The following UBR7 variants were observed in gnomAD, a reference collection of about 807,000 sequenced individuals.
The protein encoded by UBR7 is ubiquitin protein ligase E3 component n-recognin 7.
Under a neutral mutation model 57.0 loss-of-function variants are expected in UBR7, and 22 were observed. The observed-to-expected ratio is 0.39, with a 90% CI of 0.28 to 0.55. The LOEUF (loss-of-function observed/expected upper bound fraction) is 0.55, where lower values mean the gene tolerates loss of function less well. UBR7 is among the 20% of genes least tolerant of loss of function. The pLI, the probability that UBR7 is intolerant of heterozygous loss-of-function variation, is 0.69. For synonymous variants in UBR7, 167 were observed against 179.8 expected (o/e 0.93, Z 0.57); for missense variants, 395 against 513.2 (o/e 0.77, Z 2.23).
chr14:93,222,633 C>T (rs1455759741), intron 10 of UBR7, among the ~76,000 whole-genome samples: 1 of 151,920 alleles, frequency 6.6e-6, no homozygotes, highest in Non-Finnish European at 1.5e-5. Context: ...GTCCCAGCTA[C>T]TAGGGAGGCT....
chr14:93,211,546 CA>C (rs997756476), intron 3 of UBR7, among the ~76,000 whole-genome samples: 13 of 144,688 alleles, frequency 9.0e-5, no homozygotes, highest in Admixed American at 3.5e-4. Context: ...GACTCCATCT[CA>C]AAAAAAAAAG....
chr14:93,211,562 A>G (rs1894485393), intron 3 of UBR7, among the ~76,000 whole-genome samples: 1 of 151,908 alleles, frequency 6.6e-6, no homozygotes, highest in East Asian at 1.9e-4. Context: ...AAAAAGAAAA[A>G]GAAAAACCAA....
chr14:93,213,508 C>T (rs899955753), intron 4 of UBR7, among the ~76,000 whole-genome samples: 1 of 152,060 alleles, frequency 6.6e-6, no homozygotes, highest in Admixed American at 6.5e-5. Context: ...AGGGTTTCAC[C>T]GTGTTAGCCA....
intron 4 of UBR7, among the ~76,000 whole-genome samples, chr14:93,214,001 AC>A (rs1894543159): frequency 6.6e-6 from 1 of 151,820 alleles, no homozygotes; most frequent in Non-Finnish European, 1.5e-5. Flanking sequence ...ATCTCAGCTC[AC>A]TGCAACCTCT....
chr14:93,211,566 A>G (rs889631541), intron 3 of UBR7, among the ~76,000 whole-genome samples: 2 of 151,850 alleles, frequency 1.3e-5, no homozygotes, highest in East Asian at 3.9e-4. Flanking sequence ...AGAAAAAGAA[A>G]AACCAATAAA....
chr14:93,223,760 C>A, intron 10 of UBR7: 1 of 754,428 alleles, frequency 1.3e-6, no homozygotes, highest in East Asian at 2.5e-5. Flanking sequence ...TTCAGGATCT[C>A]GATGGAATGG....
intron 10 of UBR7, among the ~76,000 whole-genome samples, chr14:93,225,864 T>G (rs1894839734): frequency 6.6e-6 from 1 of 152,226 alleles, no homozygotes; most frequent in Non-Finnish European, 1.5e-5. Context: ...CTTACGGGCT[T>G]TCTGTGGCTA....
Position 93,227,966 on chromosome 14 carries a change from A to C in UBR7, c.*931A>C. On this transcript the variant is annotated 3_prime_UTR_variant, in exon 11 of 11. Transcript: ENST00000013070. ...GGACCTATTTTGATATTCTGTTATGAAAATGTTATTAGAACCCCAATAAAT... is the reference window on the plus strand; with the variant it reads ...GGACCTATTTTGATATTCTGTTATGCAAATGTTATTAGAACCCCAATAAAT... 1.4e-6 allele frequency: 1 copy of C among 700,246 alleles called. No homozygotes were observed. Among genetic ancestry groups the C allele is most frequent in the Non-Finnish European group, 2.6e-6 (1 of 384,754 alleles). 43.4% of individuals were successfully genotyped at this position (700,246 alleles called of 1,614,324 possible).
intron 9 of UBR7, among the ~76,000 whole-genome samples, chr14:93,221,856 G>A (rs188266102): frequency 0.013 from 2,047 of 152,138 alleles, 20 homozygotes; most frequent in Middle Eastern, 0.031. Flanking sequence ...GGTGGCGCGT[G>A]CCTGTAGTCC....
At position 93,226,962 on chromosome 14, in the gene UBR7, T is replaced by G; in HGVS notation, c.1205T>G (p.Ile402Ser). Residue 402 changes from isoleucine (I) to serine (S), a missense_variant, in exon 11 of 11, where the codon ATT becomes AGT. Transcript: ENST00000013070. Reference protein sequence around the residue: ...DEGTVVKREDIQQFFEEFQSK... With the variant: ...DEGTVVKREDSQQFFEEFQSK... Reference sequence around the variant, plus strand: ...AAACAGGTTGTTAAGAGAGAGGACATTCAGCAGTTCTTTGAAGAGTTTCAG... The same window carrying G: ...AAACAGGTTGTTAAGAGAGAGGACAGTCAGCAGTTCTTTGAAGAGTTTCAG... The G allele has an allele frequency of 6.2e-7, 1 of 1,613,154 alleles. No individual in the cohort carries two copies. The highest frequency in any genetic ancestry group is 8.5e-7 in the Non-Finnish European group (1 of 1,179,436).
In UBR7 at chr14:93,207,591, A is replaced by G. The variant is rs529443644; in HGVS notation, c.150+150A>G. ...TCTGCCGCTTCCTCACCCCAAGCTC[A>G]CCCTTCCCTTTTAACCCCAACCTCC... On this transcript the variant is annotated intron_variant, in intron 1 of 10. Transcript: ENST00000013070. 4.1e-4 allele frequency: 462 copies of G among 1,131,428 alleles called. No homozygotes were observed. In the African/African-American group the frequency reaches 6.8e-3, roughly 17 times the overall value. The allele number at this position is 1,131,428 out of a possible 1,614,324, so 70.1% of individuals were successfully genotyped here.
In UBR7 at chr14:93,210,020, CT is replaced by C. The variant is rs367684277; in HGVS notation, c.284+68del. 2.7e-5 allele frequency: 43 copies of C among 1,574,202 alleles called. No individual in the cohort carries two copies. In the Middle Eastern group the frequency reaches 6.0e-4, roughly 22 times the overall value. On this transcript the variant is annotated intron_variant, in intron 2 of 10. Transcript: ENST00000013070. ...AAGTATAGATTCTTTCCCATCTACACTTTTTCCTAATCTTGTTTTTTCATGC... is the reference window on the plus strand; with the variant it reads ...AAGTATAGATTCTTTCCCATCTACACTTTTCCTAATCTTGTTTTTTCATGC...
chr14:93,224,627 T>G (rs1007716824), intron 10 of UBR7, among the ~76,000 whole-genome samples: 4 of 152,166 alleles, frequency 2.6e-5, no homozygotes, highest in Non-Finnish European at 4.4e-5. Context: ...TCCGCCCACC[T>G]TGGCCTCCCA....
intron 8 of UBR7, 27 bp from the exon 9 acceptor site, chr14:93,220,222 C>CT (rs528210789): frequency 0.18 from 262,207 of 1,430,986 alleles, 4,849 homozygotes; most frequent in East Asian, 0.28. Flanking sequence ...ACTCCTCTTT[C>CT]TTTTTTTTTT....
rs768528988 is a variant in UBR7, at chr14:93,228,148, AAT to A, written c.*1114_*1115del. 1 of 621,212 alleles carries A rather than the reference AAT, an allele frequency of 1.6e-6. No homozygotes were observed. The highest frequency in any genetic ancestry group is 1.5e-5 in the South Asian group (1 of 65,940). 38.5% of individuals were successfully genotyped at this position (621,212 alleles called of 1,614,324 possible). A position where few individuals can be genotyped will look rare whatever the true frequency, so the allele number is the denominator to read the frequency against. ...CACGAATGATGAGTTTTGTGTATAT[AAT>A]GTTAATGTCCACCGCCACTTCCCTA... On this transcript the variant is annotated 3_prime_UTR_variant, in exon 11 of 11. Transcript: ENST00000013070.
chr14:93,228,731 G>C lies in UBR7; in HGVS notation c.*1696G>C, dbSNP rs1377066748. 2.2e-6 allele frequency: 1 copy of C among 453,922 alleles called. No homozygotes were observed. Among genetic ancestry groups the C allele is most frequent in the East Asian group, 6.9e-5 (1 of 14,406 alleles). 28.1% of individuals were successfully genotyped at this position (453,922 alleles called of 1,614,324 possible). On this transcript the variant is annotated 3_prime_UTR_variant, in exon 11 of 11. Transcript: ENST00000013070. The stretch of plus-strand genomic sequence containing the variant: ...ACTCTTCCAAGTCTGACAATGTTTC[G>C]AACCCTTTTTGCAAGGTTGCACTAT...
intron 10 of UBR7, among the ~76,000 whole-genome samples, chr14:93,224,335 C>T (rs142765041): frequency 2.0e-5 from 3 of 150,008 alleles, no homozygotes; most frequent in Non-Finnish European, 4.4e-5. Context: ...GAGACTTCTT[C>T]ACTATCACTG....
At chr14:93,220,629 T>C (rs1353081418) in intron 9 of UBR7, among the ~76,000 whole-genome samples, 1 of 152,184 alleles carries the variant, frequency 6.6e-6, no homozygotes, top group Non-Finnish European at 1.5e-5. Context: ...AACCACAACA[T>C]ATGCTATTCT....
chr14:93,225,031 T>A (rs1044283267), intron 10 of UBR7, among the ~76,000 whole-genome samples: 2 of 152,250 alleles, frequency 1.3e-5, no homozygotes, highest in African/African-American at 4.8e-5. Context: ...CACAGGTATC[T>A]TCAACATCCG....
Sources: allele counts gnomAD v4.1 joint callset (sites outside exome capture counted in the v4.1 genomes callset), GRCh38; gene constraint gnomAD v4.1.1; transcripts MANE v1.5; gene names NCBI Gene and HGNC (gene_info 2026-07-23, HGNC 2026-07-21).